EPHA6: variants seen among roughly 807,000 people sequenced by gnomAD.
EPHA6 encodes ephrin type-A receptor 6.
A neutral mutation model predicts 112.0 loss-of-function variants in EPHA6; 50 were observed. The observed-to-expected ratio is 0.45, with a 90% CI of 0.36 to 0.56. EPHA6 has a LOEUF of 0.56. Ranked by LOEUF, EPHA6 falls within the 20% of genes least tolerant of loss-of-function variation. The pLI is 0.00. For synonymous variants in EPHA6, 529 were observed against 490.7 expected (o/e 1.08, Z -1.03); for missense variants, 1,280 against 1,417.4 (o/e 0.90, Z 1.56).
At chr3:97,353,968 G>C (rs1275338795) in intron 5 of EPHA6, among the ~76,000 whole-genome samples, 4 of 152,158 alleles carry the variant, frequency 2.6e-5, no homozygotes, top group Non-Finnish European at 5.9e-5. Flanking sequence ...TAAGGGAAGA[G>C]AACAAGAATC....
At chr3:96,887,033 G>T (rs2037666195) in intron 2 of EPHA6, among the ~76,000 whole-genome samples, 1 of 152,068 alleles carries the variant, frequency 6.6e-6, no homozygotes, top group Non-Finnish European at 1.5e-5. Context: ...GCCTTCCTCT[G>T]GTCCCTCCCT....
At chr3:97,145,537 TA>T (rs543752436) in intron 3 of EPHA6, among the ~76,000 whole-genome samples, 13,825 of 145,602 alleles carry the variant, frequency 0.095, 1,621 homozygotes, top group African/African-American at 0.28. Flanking sequence ...TGACAACAGT[TA>T]AAAAAAAAAA....
At chr3:97,195,892 T>A (rs546809137) in intron 3 of EPHA6, among the ~76,000 whole-genome samples, 26 of 152,182 alleles carry the variant, frequency 1.7e-4, no homozygotes, top group Admixed American at 1.6e-3. Flanking sequence ...TGTGTCTTTT[T>A]TCTTGATGCT....
intron 11 of EPHA6, among the ~76,000 whole-genome samples, chr3:97,541,244 C>T (rs948472819): frequency 2.6e-5 from 4 of 151,994 alleles, no homozygotes; most frequent in African/African-American, 4.8e-5. Flanking sequence ...AATATGTTAC[C>T]GTGCCATTTT....
intron 2 of EPHA6, among the ~76,000 whole-genome samples, chr3:96,910,349 G>A (rs1426659583): frequency 6.6e-6 from 1 of 152,016 alleles, no homozygotes; most frequent in Non-Finnish European, 1.5e-5. Flanking sequence ...TTGCCTGGCA[G>A]TTGCCTGATA....
intron 2 of EPHA6, among the ~76,000 whole-genome samples, chr3:96,868,474 T>G (rs935507278): frequency 6.6e-6 from 1 of 152,022 alleles, no homozygotes. Context: ...CCAGAACCAT[T>G]AATCAGTTTA....
intron 5 of EPHA6, among the ~76,000 whole-genome samples, chr3:97,331,950 AC>A (rs1486142302): frequency 4.0e-5 from 6 of 151,732 alleles, no homozygotes; most frequent in African/African-American, 1.5e-4. Context: ...CAGAGACACA[AC>A]AAAAAAAGAG....
At chr3:97,438,107 G>C (rs181475694) in intron 6 of EPHA6, among the ~76,000 whole-genome samples, 37 of 152,094 alleles carry the variant, frequency 2.4e-4, no homozygotes, top group Non-Finnish European at 4.7e-4. Flanking sequence ...TCAGGGCCAA[G>C]TATCAAACTT....
At chr3:96,935,319 A>C (rs879844852) in intron 2 of EPHA6, among the ~76,000 whole-genome samples, 1 of 151,804 alleles carries the variant, frequency 6.6e-6, no homozygotes, top group Non-Finnish European at 1.5e-5. Context: ...CAAATTAAGA[A>C]TGATATATTA....
At chr3:96,995,615 C>A (rs866739809) in intron 3 of EPHA6, among the ~76,000 whole-genome samples, 1 of 152,082 alleles carries the variant, frequency 6.6e-6, no homozygotes, top group Non-Finnish European at 1.5e-5. Flanking sequence ...AGCAATAAAG[C>A]AAATATCGCA....
At chr3:96,997,461 C>G (rs1008361822) in intron 3 of EPHA6, among the ~76,000 whole-genome samples, 4 of 151,812 alleles carry the variant, frequency 2.6e-5, no homozygotes, top group Admixed American at 1.3e-4. Context: ...TTCACTTGAC[C>G]ATTTAGAGGT....
intron 4 of EPHA6, among the ~76,000 whole-genome samples, chr3:97,239,746 A>G (rs181593275): frequency 3.3e-5 from 5 of 151,776 alleles, no homozygotes; most frequent in Non-Finnish European, 7.4e-5. Flanking sequence ...AAAGTGGAGG[A>G]GGTGAAAGGG....
At chr3:97,608,061 C>T (rs868008289) in intron 12 of EPHA6, among the ~76,000 whole-genome samples, 4 of 149,578 alleles carry the variant, frequency 2.7e-5, no homozygotes, top group South Asian at 2.1e-4. Flanking sequence ...AAAACCAAGA[C>T]AAATTACAGG....
intron 4 of EPHA6, among the ~76,000 whole-genome samples, chr3:97,230,484 T>C (rs2078491809): frequency 6.6e-6 from 1 of 152,180 alleles, no homozygotes; most frequent in Non-Finnish European, 1.5e-5. Context: ...CTAGCCTAGC[T>C]TGTTTATTCA....
intron 5 of EPHA6, among the ~76,000 whole-genome samples, chr3:97,381,128 T>C (rs929475891): frequency 6.6e-6 from 1 of 152,084 alleles, no homozygotes; most frequent in Non-Finnish European, 1.5e-5. Flanking sequence ...TTTAGTTGGC[T>C]TATAGTTGAA....
chr3:97,543,450 C>T (rs1481204438), intron 11 of EPHA6, among the ~76,000 whole-genome samples: 1 of 152,084 alleles, frequency 6.6e-6, no homozygotes, highest in African/African-American at 2.4e-5. Context: ...TTCCATTGGT[C>T]TATATCTCTG....
At chr3:97,068,702 G>T (rs1329062823) in intron 3 of EPHA6, among the ~76,000 whole-genome samples, 2 of 151,978 alleles carry the variant, frequency 1.3e-5, no homozygotes, top group African/African-American at 4.8e-5. Flanking sequence ...TAACCCCAGT[G>T]TGATAGGAAA....
At chr3:97,703,489 T>C (rs925979658) in intron 14 of EPHA6, among the ~76,000 whole-genome samples, 1 of 152,178 alleles carries the variant, frequency 6.6e-6, no homozygotes, top group Admixed American at 6.5e-5. Context: ...GTAAAAGTTG[T>C]TTACTTAGAG....
intron 3 of EPHA6, among the ~76,000 whole-genome samples, chr3:97,036,359 G>T (rs2045093827): frequency 6.6e-6 from 1 of 151,942 alleles, no homozygotes; most frequent in Non-Finnish European, 1.5e-5. Flanking sequence ...TCAAAGAAAG[G>T]CATATAATAA....
Sources: gnomAD v4.1 joint callset for allele counts (sites outside exome capture counted in the v4.1 genomes callset) on GRCh38, gnomAD v4.1.1 for gene constraint, MANE v1.5 for transcripts, NCBI Gene and HGNC (gene_info 2026-07-23, HGNC 2026-07-21) for gene names.